The following ULK4 variants were observed in gnomAD, a reference collection of about 807,000 sequenced individuals.
ULK4 encodes inactive serine/threonine-protein kinase ULK4.
Under a neutral mutation model 160.6 loss-of-function variants are expected in ULK4, and 133 were observed. The ratio of observed to expected loss-of-function variants is 0.83; its 90% CI spans 0.72 to 0.96. The LOEUF (loss-of-function observed/expected upper bound fraction) is 0.96, where lower values mean the gene tolerates loss of function less well. ULK4 is among the 40% of genes least tolerant of loss of function. The pLI is 0.00. For synonymous variants in ULK4, 534 were observed against 539.8 expected (o/e 0.99, Z 0.15); for missense variants, 1,580 against 1,499.5 (o/e 1.05, Z -0.89).
chr3:41,755,856 T>C (rs1296278201), intron 21 of ULK4, among the ~76,000 whole-genome samples: 1 of 152,198 alleles, frequency 6.6e-6, no homozygotes, highest in Non-Finnish European at 1.5e-5. Context: ...AGTTTCTTGA[T>C]TTTGAAATTC....
chr3:41,696,675 A>G (rs1285461623), intron 27 of ULK4, among the ~76,000 whole-genome samples: 1 of 152,170 alleles, frequency 6.6e-6, no homozygotes, highest in Non-Finnish European at 1.5e-5. Flanking sequence ...GCTGGTCCCT[A>G]TAGTCCTGAT....
At chr3:41,558,634 G>C in intron 32 of ULK4, among the ~76,000 whole-genome samples, 1 of 151,832 alleles carries the variant, frequency 6.6e-6, no homozygotes, top group South Asian at 2.1e-4. Flanking sequence ...ACCCTGGGAG[G>C]TGGAGATTGC....
intron 32 of ULK4, among the ~76,000 whole-genome samples, chr3:41,553,425 C>G (rs377640662): frequency 1.6e-4 from 24 of 151,888 alleles, no homozygotes; most frequent in East Asian, 5.8e-4. Context: ...TAAAAAGTAG[C>G]CAAAGAATTA....
At chr3:41,773,341 T>G (rs1288407172) in intron 21 of ULK4, among the ~76,000 whole-genome samples, 1 of 152,300 alleles carries the variant, frequency 6.6e-6, no homozygotes, top group East Asian at 1.9e-4. Context: ...CAGCCCAAAA[T>G]ATCCTTAAGC....
chr3:41,959,257 C>T (rs796761798), intron 1 of ULK4, among the ~76,000 whole-genome samples: 1 of 151,512 alleles, frequency 6.6e-6, no homozygotes, highest in Non-Finnish European at 1.5e-5. Context: ...CCCACCTACT[C>T]GGGAGGCTGA....
intron 34 of ULK4, among the ~76,000 whole-genome samples, chr3:41,450,971 G>GA (rs1266539843): frequency 2.0e-5 from 3 of 152,122 alleles, no homozygotes; most frequent in Non-Finnish European, 4.4e-5. Context: ...CAAGTAACTG[G>GA]AGCGCAGTGT....
chr3:41,780,590 C>T (rs560962000), intron 21 of ULK4, among the ~76,000 whole-genome samples: 41 of 152,186 alleles, frequency 2.7e-4, no homozygotes, highest in African/African-American at 7.0e-4. Context: ...CTGGGCAGCA[C>T]AGCTCAGGTG....
At chr3:41,644,478 T>C (rs1559456116) in intron 30 of ULK4, among the ~76,000 whole-genome samples, 1 of 152,250 alleles carries the variant, frequency 6.6e-6, no homozygotes, top group Non-Finnish European at 1.5e-5. Flanking sequence ...TGGTTCTGTT[T>C]ATATGTTGGA....
chr3:41,772,706 C>T (rs1276615437), intron 21 of ULK4, among the ~76,000 whole-genome samples: 4 of 152,236 alleles, frequency 2.6e-5, no homozygotes, highest in East Asian at 1.9e-4. Flanking sequence ...GGGAATCCTC[C>T]CTAACTCATT....
chr3:41,772,939 C>A (rs920729029), intron 21 of ULK4, among the ~76,000 whole-genome samples: 44 of 152,300 alleles, frequency 2.9e-4, no homozygotes, highest in African/African-American at 1.1e-3. Flanking sequence ...TCAACATAAT[C>A]CAGCATATAA....
At chr3:41,856,468 G>A (rs1015162083) in intron 17 of ULK4, among the ~76,000 whole-genome samples, 3 of 144,842 alleles carry the variant, frequency 2.1e-5, no homozygotes, top group African/African-American at 7.5e-5. Flanking sequence ...GCAGGAATGG[G>A]ATACAAAGTA....
chr3:41,530,804 G>GC (rs2086282142), intron 32 of ULK4, among the ~76,000 whole-genome samples: 1 of 152,044 alleles, frequency 6.6e-6, no homozygotes, highest in Non-Finnish European at 1.5e-5. Flanking sequence ...TCGCTCTGTT[G>GC]CCAGGCTGGA....
At chr3:41,786,727 A>T (rs986722245) in intron 21 of ULK4, among the ~76,000 whole-genome samples, 1 of 152,164 alleles carries the variant, frequency 6.6e-6, no homozygotes, top group African/African-American at 2.4e-5. Context: ...TCACAGATAC[A>T]TTTAAAAAAC....
intron 30 of ULK4, among the ~76,000 whole-genome samples, chr3:41,621,768 T>C (rs1195355461): frequency 6.6e-6 from 1 of 151,922 alleles, no homozygotes; most frequent in Admixed American, 6.6e-5. Context: ...ACAAATGGGA[T>C]CTAATCAAAC....
intron 27 of ULK4, among the ~76,000 whole-genome samples, chr3:41,696,542 T>A (rs2036508429): frequency 6.6e-6 from 1 of 151,984 alleles, no homozygotes; most frequent in Non-Finnish European, 1.5e-5. Flanking sequence ...CCATTACTGG[T>A]CTCCGCATCT....
At chr3:41,431,652 T>C (rs145728545) in intron 34 of ULK4, among the ~76,000 whole-genome samples, 146 of 150,196 alleles carry the variant, frequency 9.7e-4, no homozygotes, top group Middle Eastern at 3.5e-3. Flanking sequence ...CAAACGGGTG[T>C]TCAGAGGTGA....
At chr3:41,596,400 T>G (rs982793982) in intron 31 of ULK4, among the ~76,000 whole-genome samples, 11 of 152,132 alleles carry the variant, frequency 7.2e-5, no homozygotes, top group African/African-American at 2.7e-4. Flanking sequence ...ATAAAAGCTG[T>G]TGCTCTGGCA....
At chr3:41,727,283 T>C (rs1211806996) in intron 22 of ULK4, among the ~76,000 whole-genome samples, 1 of 152,228 alleles carries the variant, frequency 6.6e-6, no homozygotes, top group African/African-American at 2.4e-5. Flanking sequence ...GTTTATTCAT[T>C]CAATAACTAT....
chr3:41,534,025 T>G (rs1199815304), intron 32 of ULK4, among the ~76,000 whole-genome samples: 1 of 152,122 alleles, frequency 6.6e-6, no homozygotes, highest in Non-Finnish European at 1.5e-5. Flanking sequence ...GCCAAGATGG[T>G]CTCGATCTCC....
Sources: allele counts gnomAD v4.1 joint callset (sites outside exome capture counted in the v4.1 genomes callset), GRCh38; gene constraint gnomAD v4.1.1; transcripts MANE v1.5; gene names NCBI Gene and HGNC (gene_info 2026-07-23, HGNC 2026-07-21).